The following KIRREL3 variants were observed in gnomAD, a reference collection of about 807,000 sequenced individuals.
The protein encoded by KIRREL3 is kin of IRRE-like protein 3.
A neutral mutation model predicts 89.7 loss-of-function variants in KIRREL3; 36 were observed. That is an observed-to-expected ratio of 0.40 (90% CI 0.31 to 0.53). KIRREL3 has a LOEUF of 0.53. Ranked by LOEUF, KIRREL3 falls within the 20% of genes least tolerant of loss-of-function variation. The pLI is 0.49. For missense variants in KIRREL3, 864 were observed against 1,056.6 expected, an observed-to-expected ratio of 0.82 and a Z score of 2.53; for synonymous variants, 445 against 441.4, an observed-to-expected ratio of 1.01 and a Z score of -0.10.
intron 1 of KIRREL3, among the ~76,000 whole-genome samples, chr11:126,848,407 A>C (rs1262406445): frequency 6.6e-6 from 1 of 152,212 alleles, no homozygotes; most frequent in African/African-American, 2.4e-5. Context: ...CCTGTTATTA[A>C]ATTCCAGTCT....
chr11:126,453,425 T>C (rs1956246916), intron 7 of KIRREL3, among the ~76,000 whole-genome samples: 3 of 152,170 alleles, frequency 2.0e-5, no homozygotes. Context: ...TATCTCTAGC[T>C]TCAGAGATGA....
intron 1 of KIRREL3, among the ~76,000 whole-genome samples, chr11:126,869,453 C>T (rs1300106946): frequency 1.3e-5 from 2 of 152,150 alleles, no homozygotes; most frequent in East Asian, 3.9e-4. Context: ...ACTGGAATTG[C>T]AGGGTCTATT....
rs532910733 is a variant in KIRREL3, at chr11:126,427,191, C to T, written c.1807-1467G>A. 1.3e-5 allele frequency among the ~76,000 whole-genome samples: 2 copies of T among 152,204 alleles called. No individual in the cohort carries two copies. The highest frequency in any genetic ancestry group is 2.9e-5 in the Non-Finnish European group (2 of 68,034). On this transcript the variant is annotated intron_variant, in intron 15 of 16. Coordinates refer to ENST00000525144, the MANE Select transcript of KIRREL3 (RefSeq NM_032531.4). This position sits in a 1 kb window ranked among gnomAD's most constrained non-coding sequence, Gnocchi z 5.3. ...AAGCTTAAGTATAGAGACGTCATCCCTTCTCACATCTAGGCTGTGGTTTCC... is the reference window on the plus strand; with the variant it reads ...AAGCTTAAGTATAGAGACGTCATCCTTTCTCACATCTAGGCTGTGGTTTCC...
At chr11:126,461,330 G>A (rs941246212) in intron 6 of KIRREL3, among the ~76,000 whole-genome samples, 1 of 152,260 alleles carries the variant, frequency 6.6e-6, no homozygotes, top group East Asian at 1.9e-4. Flanking sequence ...GCCAGTGAGG[G>A]GGAAGAGCCG....
In KIRREL3 at chr11:126,791,357, G is replaced by A. The variant is rs765083869; in HGVS notation, c.55+209098C>T. Among the ~76,000 whole-genome samples the A allele has an allele frequency of 6.6e-6, 1 of 152,168 alleles. No individual in the cohort carries two copies. Among genetic ancestry groups the A allele is most frequent in the Non-Finnish European group, 1.5e-5 (1 of 68,030 alleles). On this transcript the variant is annotated intron_variant, in intron 1 of 16. Coordinates refer to ENST00000525144, the MANE Select transcript of KIRREL3 (RefSeq NM_032531.4). This position sits in a 1 kb window ranked among gnomAD's most constrained non-coding sequence, Gnocchi z 4.8. ...ATTCCAATTCATCGTCCCTGGCCTG[G>A]GCTGCATGCAGCCAGCTACCCGCTT...
intron 1 of KIRREL3, among the ~76,000 whole-genome samples, chr11:126,822,543 A>G (rs1943262135): frequency 6.6e-6 from 1 of 152,218 alleles, no homozygotes; most frequent in Non-Finnish European, 1.5e-5. Flanking sequence ...CAACTCATAT[A>G]GTATTGAGGT....
intron 1 of KIRREL3, among the ~76,000 whole-genome samples, chr11:126,654,521 G>C (rs557258651): frequency 6.6e-6 from 1 of 152,058 alleles, no homozygotes; most frequent in African/African-American, 2.4e-5. Flanking sequence ...AAGAAACTAC[G>C]GGTAACAGTT....
At chr11:127,002,714 A>C (rs1950335851), upstream of KIRREL3, among the ~76,000 whole-genome samples, 1 of 152,188 alleles carries the variant, frequency 6.6e-6, no homozygotes, top group Admixed American at 6.5e-5. Context: ...AGGTAGCAAC[A>C]TTTGACGTTT....
intron 16 of KIRREL3, 116 bp from the exon 17 acceptor site, chr11:126,425,139 A>AAGGGAGCAACCTGGT (rs1349407358): frequency 4.0e-6 from 4 of 988,688 alleles, no homozygotes; most frequent in Non-Finnish European, 5.8e-6. Flanking sequence ...AAACAGGAGG[A>AAGGGAGCAACCTGGT]AGGGAGCAAC....
chr11:126,960,335 T>C (rs1234045382), intron 1 of KIRREL3, among the ~76,000 whole-genome samples: 1 of 151,288 alleles, frequency 6.6e-6, no homozygotes, highest in African/African-American at 2.4e-5. Context: ...CTATAGAAGG[T>C]TTTTGTTTTG....
chr11:126,453,786 C>T (rs1240907860), intron 7 of KIRREL3, among the ~76,000 whole-genome samples: 1 of 152,130 alleles, frequency 6.6e-6, no homozygotes, highest in East Asian at 1.9e-4. Context: ...GATGACCCCT[C>T]AGTGAGGTGT....
At position 126,602,435 on chromosome 11, in the gene KIRREL3, G is replaced by A. The variant is rs554849704; in HGVS notation, c.56-39523C>T. Among the ~76,000 whole-genome samples the A allele has an allele frequency of 1.2e-4, 18 of 152,274 alleles. No homozygotes were observed. The South Asian group carries it at 2.1e-3, about 18-fold the overall frequency. ...TGCCTTTGTCCGGTGCCTCGTCGTCGTTTATGCAAGTCTATATACTTTATC... is the reference window on the plus strand; with the variant it reads ...TGCCTTTGTCCGGTGCCTCGTCGTCATTTATGCAAGTCTATATACTTTATC... On this transcript the variant is annotated intron_variant, in intron 1 of 16. Transcript: ENST00000525144.
chr11:126,821,844 G>A (rs538700684), intron 1 of KIRREL3, among the ~76,000 whole-genome samples: 4 of 152,246 alleles, frequency 2.6e-5, no homozygotes, highest in African/African-American at 9.6e-5. Context: ...GGGGACATAT[G>A]CCAAGGAATC....
intron 1 of KIRREL3, among the ~76,000 whole-genome samples, chr11:126,962,990 A>C (rs1949142417): frequency 6.6e-6 from 1 of 152,238 alleles, no homozygotes; most frequent in African/African-American, 2.4e-5. Flanking sequence ...AACACTTAAT[A>C]GACTATGGTA....
rs1469186004 is a variant in KIRREL3 at position 126,788,963 on chromosome 11, CCT to C, written c.55+211490_55+211491del. Among the ~76,000 whole-genome samples the C allele has an allele frequency of 1.3e-5, 2 of 152,158 alleles. No individual in the cohort carries two copies. Among genetic ancestry groups the C allele is most frequent in the African/African-American group, 4.8e-5 (2 of 41,442 alleles). On this transcript the variant is annotated intron_variant, in intron 1 of 16. Transcript: ENST00000525144. This position sits in a 1 kb window ranked among gnomAD's most constrained non-coding sequence, Gnocchi z 4.1. ...GGCTGGGCACCTAGTCAAACAAATC[CCT>C]GTCAAGATTTCTTTGACCCAACGGT...
rs985252273 is a variant in KIRREL3, at chr11:126,627,466, G to A, written c.56-64554C>T. On this transcript the variant is annotated intron_variant, in intron 1 of 16. Transcript: ENST00000525144. This position sits in a 1 kb window ranked among gnomAD's most constrained non-coding sequence, Gnocchi z 5.0. The stretch of plus-strand genomic sequence containing the variant: ...GCGTCATCTTCACCAAGTCTAGGGT[G>A]GTCACCTGGTGATGGGAACAAGCTT... Among the ~76,000 whole-genome samples the A allele has an allele frequency of 5.3e-5, 8 of 152,210 alleles. No individual in the cohort carries two copies. Among genetic ancestry groups the A allele is most frequent in the African/African-American group, 1.9e-4 (8 of 41,450 alleles).
intron 1 of KIRREL3, among the ~76,000 whole-genome samples, chr11:126,959,481 C>T (rs1433988849): frequency 3.3e-5 from 5 of 151,070 alleles, no homozygotes; most frequent in Admixed American, 6.6e-5. Context: ...TAGCATTTTC[C>T]CCTCACTCTG....
intron 1 of KIRREL3, among the ~76,000 whole-genome samples, chr11:126,928,919 G>A (rs1247978481): frequency 1.3e-5 from 2 of 152,126 alleles, no homozygotes; most frequent in Non-Finnish European, 2.9e-5. Flanking sequence ...GGAGCCATGA[G>A]CAAACCCATG....
At chr11:126,803,327 T>A (rs1294385832) in intron 1 of KIRREL3, among the ~76,000 whole-genome samples, 1 of 151,916 alleles carries the variant, frequency 6.6e-6, no homozygotes, top group Admixed American at 6.6e-5. Context: ...ATTGGAGAAG[T>A]GGCATTGGAA....
Sources: allele counts gnomAD v4.1 joint callset (sites outside exome capture counted in the v4.1 genomes callset), GRCh38; gene constraint gnomAD v4.1.1; non-coding constraint Gnocchi (gnomAD v3.1); transcripts MANE v1.5; gene names NCBI Gene and HGNC (gene_info 2026-07-23, HGNC 2026-07-21).